The following AVEN variants were observed in gnomAD, a reference collection of about 807,000 sequenced individuals.
The protein encoded by AVEN is cell death regulator Aven.
In AVEN, 41 loss-of-function variants were observed where a neutral mutation model predicts 38.1. That is an observed-to-expected ratio of 1.08 (90% confidence interval 0.84 to 1.40). The LOEUF (loss-of-function observed/expected upper bound fraction) is 1.40, where lower values mean the gene tolerates loss of function less well. Among genes scored for constraint, AVEN ranks in the 40% most tolerant of loss-of-function variants. AVEN has a pLI of 0.00. For synonymous variants in AVEN, 206 were observed against 171.8 expected, an observed-to-expected ratio of 1.20 and a Z score of -1.56; for missense variants, 605 against 438.8, an observed-to-expected ratio of 1.38 and a Z score of -3.38.
chr15:33,963,478 G>T (rs1019109872), intron 2 of AVEN, among the ~76,000 whole-genome samples: 1 of 152,162 alleles, frequency 6.6e-6, no homozygotes, highest in African/African-American at 2.4e-5. Flanking sequence ...TGCCAGAGCT[G>T]CTGAGAAGGG....
At chr15:33,982,474 C>A (rs377083888) in intron 2 of AVEN, among the ~76,000 whole-genome samples, 2 of 152,208 alleles carry the variant, frequency 1.3e-5, no homozygotes, top group East Asian at 3.9e-4. Context: ...TTTTCTGGAG[C>A]AAAGCAATAA....
the AVEN span, chr15:33,852,698 T>C: frequency 4.9e-6 from 1 of 204,926 alleles, no homozygotes; most frequent in East Asian, 1.4e-4. Context: ...GTGTTTTCTG[T>C]AGCATTTTGT....
At chr15:33,858,184 A>C, downstream of AVEN, 1 of 392,892 alleles carries the variant, frequency 2.5e-6, no homozygotes, top group Non-Finnish European at 4.6e-6. Flanking sequence ...TCATTCATCT[A>C]TTTCCGGGGT....
chr15:33,913,657 T>A (rs947936341), intron 2 of AVEN, among the ~76,000 whole-genome samples: 1 of 152,190 alleles, frequency 6.6e-6, no homozygotes. Flanking sequence ...ACATTTCCTG[T>A]AAAACTGAAA....
the AVEN span, chr15:33,853,229 T>C: frequency 1.1e-6 from 1 of 897,512 alleles, no homozygotes; most frequent in South Asian, 1.9e-5. Context: ...CAGAAGGGGT[T>C]GGATATGAAC....
chr15:34,033,313 C>G (rs1320016790), intron 1 of AVEN, among the ~76,000 whole-genome samples: 1 of 152,090 alleles, frequency 6.6e-6, no homozygotes, highest in Non-Finnish European at 1.5e-5. Flanking sequence ...CAAAACCAGC[C>G]TGAGCAACAC....
intron 2 of AVEN, among the ~76,000 whole-genome samples, chr15:33,942,454 T>C (rs1018651525): frequency 2.0e-5 from 3 of 152,078 alleles, no homozygotes. Flanking sequence ...TTATCTTTTT[T>C]TTTTCTTTTC....
chr15:33,951,369 C>T (rs769897351), intron 2 of AVEN, among the ~76,000 whole-genome samples: 3 of 151,598 alleles, frequency 2.0e-5, no homozygotes, highest in Non-Finnish European at 4.4e-5. Flanking sequence ...AAAGTCTAAA[C>T]CAGCCTTCAA....
At chr15:33,860,395 TGTA>T (rs1567353631) in intron 11 of AVEN, among the ~76,000 whole-genome samples, 1 of 152,084 alleles carries the variant, frequency 6.6e-6, no homozygotes, top group Non-Finnish European at 1.5e-5. Flanking sequence ...CACTGCATGG[TGTA>T]GAAAGGTAGA....
chr15:33,866,756 C>A (rs749304159), intron 5 of AVEN, 28 bp from the exon 6 acceptor site: 2 of 1,505,670 alleles, frequency 1.3e-6, no homozygotes, highest in Non-Finnish European at 1.8e-6. Context: ...ATGTTAACAC[C>A]CTCAGATGAG....
At chr15:33,945,026 C>G (rs1290984065) in intron 2 of AVEN, among the ~76,000 whole-genome samples, 3 of 152,176 alleles carry the variant, frequency 2.0e-5, no homozygotes, top group Non-Finnish European at 4.4e-5. Flanking sequence ...TTTATTAGTA[C>G]AGATTCCAGC....
intron 2 of AVEN, among the ~76,000 whole-genome samples, chr15:33,932,063 G>T (rs1893871895): frequency 6.6e-6 from 1 of 152,174 alleles, no homozygotes; most frequent in South Asian, 2.1e-4. Context: ...GCATGTAAAA[G>T]TCAGAAAATT....
At chr15:33,961,566 C>T (rs1010168016) in intron 2 of AVEN, among the ~76,000 whole-genome samples, 2 of 151,940 alleles carry the variant, frequency 1.3e-5, no homozygotes, top group African/African-American at 4.8e-5. Context: ...GTAATCCCAG[C>T]ACTTTGGGAG....
At chr15:33,860,924 T>C (rs1263318346) in intron 11 of AVEN, among the ~76,000 whole-genome samples, 1 of 120,700 alleles carries the variant, frequency 8.3e-6, no homozygotes, top group Non-Finnish European at 1.7e-5. Context: ...GAATGACTAA[T>C]AGCCAATGTA....
chr15:33,896,811 T>C (rs1008366388), intron 2 of AVEN, among the ~76,000 whole-genome samples: 1 of 152,218 alleles, frequency 6.6e-6, no homozygotes, highest in African/African-American at 2.4e-5. Context: ...TGTACTCCTA[T>C]ATAATACACT....
chr15:33,924,871 GAATTA>G, intron 2 of AVEN, among the ~76,000 whole-genome samples: 1 of 152,006 alleles, frequency 6.6e-6, no homozygotes, highest in Middle Eastern at 3.2e-3. Flanking sequence ...AACCTACTCT[GAATTA>G]AATAGATAAT....
At chr15:33,994,092 C>CG (rs1321466288) in intron 2 of AVEN, among the ~76,000 whole-genome samples, 3 of 152,214 alleles carry the variant, frequency 2.0e-5, no homozygotes, top group African/African-American at 4.8e-5. Context: ...GGATCAGTAC[C>CG]GGTCTGTGGC....
chr15:33,864,918 T>C, downstream of AVEN: 2 of 505,562 alleles, frequency 4.0e-6, no homozygotes, highest in South Asian at 3.4e-5. Context: ...GAGGGGGATT[T>C]TTCTCCTTCC....
intron 2 of AVEN, among the ~76,000 whole-genome samples, chr15:33,996,855 CTT>C (rs1896957241): frequency 6.6e-6 from 1 of 152,204 alleles, no homozygotes; most frequent in Non-Finnish European, 1.5e-5. Flanking sequence ...TGGAGAATGA[CTT>C]TGATGAGCTG....
Sources: allele counts gnomAD v4.1 joint callset (sites outside exome capture counted in the v4.1 genomes callset), GRCh38; gene constraint gnomAD v4.1.1; transcripts MANE v1.5; gene names NCBI Gene and HGNC (gene_info 2026-07-23, HGNC 2026-07-21).